QSER1: variants seen among roughly 807,000 people sequenced by gnomAD.
QSER1 encodes the protein glutamine and serine-rich protein 1.
Under a neutral mutation model 158.5 loss-of-function variants are expected in QSER1, and 49 were observed. The ratio of observed to expected loss-of-function variants is 0.31; its 90% CI spans 0.25 to 0.39. QSER1 has a LOEUF of 0.39. Ranked by LOEUF, QSER1 falls within the 10% of genes least tolerant of loss-of-function variation. The pLI, the probability that QSER1 is intolerant of heterozygous loss-of-function variation, is 1.00. For synonymous variants in QSER1, 650 were observed against 715.5 expected, an observed-to-expected ratio of 0.91 and a Z score of 1.46; for missense variants, 1,754 against 2,010.3, an observed-to-expected ratio of 0.87 and a Z score of 2.44.
intron 1 of QSER1, among the ~76,000 whole-genome samples, chr11:32,907,059 T>C (rs1341566225): frequency 6.6e-6 from 1 of 152,224 alleles, no homozygotes; most frequent in African/African-American, 2.4e-5. Context: ...TAAAATAGTA[T>C]AAGTAGTATA....
At chr11:32,966,165 TA>T in intron 8 of QSER1, 134 bp from the exon 9 acceptor site, 1 of 946,790 alleles carries the variant, frequency 1.1e-6, no homozygotes, top group Non-Finnish European at 1.6e-6. Context: ...TCAGACCTTT[TA>T]AAGGTAAGGT....
intron 1 of QSER1, among the ~76,000 whole-genome samples, chr11:32,918,490 G>A (rs1453367204): frequency 6.6e-6 from 1 of 151,366 alleles, no homozygotes; most frequent in Non-Finnish European, 1.5e-5. Context: ...GAGGGATGAG[G>A]CAAGAGACCT....
intron 4 of QSER1, among the ~76,000 whole-genome samples, chr11:32,951,556 A>G (rs1370971007): frequency 6.6e-6 from 1 of 152,160 alleles, no homozygotes; most frequent in African/African-American, 2.4e-5. Context: ...CTTCTCATCC[A>G]TCAACATGGG....
chr11:32,939,012 C>T (rs1852192998), intron 4 of QSER1, among the ~76,000 whole-genome samples: 1 of 152,120 alleles, frequency 6.6e-6, no homozygotes, highest in Non-Finnish European at 1.5e-5. Context: ...GTGCTATTTT[C>T]ACCATTCCTT....
At chr11:32,917,627 ACCAG>A (rs1851849634) in intron 1 of QSER1, among the ~76,000 whole-genome samples, 1 of 151,940 alleles carries the variant, frequency 6.6e-6, no homozygotes, top group Non-Finnish European at 1.5e-5. Context: ...GGAGTTCAAG[ACCAG>A]CCTAGCCAAC....
At chr11:32,974,564 G>A (rs185666112) in intron 11 of QSER1, among the ~76,000 whole-genome samples, 186 of 152,306 alleles carry the variant, frequency 1.2e-3, no homozygotes, top group African/African-American at 4.2e-3. Context: ...GAAGAGCCAC[G>A]TAATGTCATA....
chr11:32,937,771 C>T (rs1216166917), intron 4 of QSER1, among the ~76,000 whole-genome samples: 2 of 152,204 alleles, frequency 1.3e-5, no homozygotes, highest in African/African-American at 4.8e-5. Context: ...CACTGTCCCT[C>T]TGCTGTGACA....
intron 7 of QSER1, among the ~76,000 whole-genome samples, chr11:32,957,303 A>G (rs566818011): frequency 2.0e-5 from 3 of 151,406 alleles, no homozygotes; most frequent in East Asian, 3.9e-4. Flanking sequence ...CACCACTCCC[A>G]GCTGGTTTTG....
Position 32,932,353 on chromosome 11 carries a change from C to G in QSER1, c.1095C>G (p.Ser365Arg). ...ETTRQSSLSC[S>R]PIGDSTQVSN... ...CCAGGCAGTCATCTTTATCCTGTAG[C>G]CCAATTGGAGATTCCACTCAGGTGA... The change falls in exon 4 of 13, where the codon AGC (serine) becomes AGG (arginine). Residue 365 changes from serine to arginine, a missense_variant. This residue lies in a region of QSER1 where 1,707 missense variants were observed against 1,919.6 expected (regional missense o/e 0.89). Coordinates refer to ENST00000650167, the MANE Select transcript of QSER1 (RefSeq NM_001076786.3). 6.2e-7 allele frequency: 1 copy of G among 1,612,308 alleles called. No homozygotes were observed. The highest frequency in any genetic ancestry group is 8.5e-7 in the Non-Finnish European group (1 of 1,180,002).
At chr11:32,915,761 T>G (rs1436787982) in intron 1 of QSER1, among the ~76,000 whole-genome samples, 3 of 152,218 alleles carry the variant, frequency 2.0e-5, no homozygotes, top group African/African-American at 7.2e-5. Flanking sequence ...GCACAGATTT[T>G]TAAAAAACAT....
In QSER1 at chr11:32,957,960, A is replaced by G; in HGVS notation, c.4843A>G (p.Lys1615Glu). The change falls in exon 8 of 13, where the codon AAA becomes GAA. Residue 1615 changes from lysine (K) to glutamate (E), a missense_variant. Lys to Glu is a moderately conservative substitution (Grantham distance 56). Coordinates refer to ENST00000650167, the MANE Select transcript of QSER1 (RefSeq NM_001076786.3). ...TTTKAPSVKP[K>E]VKQPKVKAEP... ...TACAAAAGCCCCTTCCGTGAAACCC[A>G]AAGTTAAACAGCCAAAAGTAAAGGC... is the stretch of plus-strand genomic sequence containing the variant. 1 of 1,614,174 alleles carries G rather than the reference A, an allele frequency of 6.2e-7. No homozygotes were observed. The highest frequency in any genetic ancestry group is 8.5e-7 in the Non-Finnish European group (1 of 1,180,020).
chr11:32,918,621 G>C (rs1169339592), intron 1 of QSER1, among the ~76,000 whole-genome samples: 1 of 151,380 alleles, frequency 6.6e-6, no homozygotes, highest in Non-Finnish European at 1.5e-5. Context: ...GGAAGCCGTT[G>C]GAAAGTTTTT....
In QSER1 at chr11:32,973,057, C is replaced by A. The variant is rs557379798; in HGVS notation, c.5206-340C>A. ...GCCAGAGACATTACTAGAAAGAACTCTTGGCCCTGTTAAGGGTTCCCAGTG... is the reference window on the plus strand; with the variant it reads ...GCCAGAGACATTACTAGAAAGAACTATTGGCCCTGTTAAGGGTTCCCAGTG... On this transcript the variant is annotated intron_variant, in intron 10 of 12. Coordinates refer to ENST00000650167, the MANE Select transcript of QSER1 (RefSeq NM_001076786.3). Among the ~76,000 whole-genome samples, 8 of 152,218 alleles carry A rather than the reference C, an allele frequency of 5.3e-5. No homozygotes were observed. In the South Asian group the frequency reaches 1.7e-3, roughly 32 times the overall value.
rs993532590 is a variant in QSER1 at position 32,934,988 on chromosome 11, C to T, written c.3730C>T (p.Pro1244Ser). Residue 1244 changes from proline to serine, a missense_variant, in exon 4 of 13, where the codon CCT becomes TCT. Coordinates refer to ENST00000650167, the MANE Select transcript of QSER1 (RefSeq NM_001076786.3). The part of the protein sequence containing the change: ...RGTDIYLPYT[P>S]PSSESCHDGY... The stretch of plus-strand genomic sequence containing the variant: ...AACAGATATTTACTTACCGTATACT[C>T]CTCCTTCCTCAGAAAGCTGCCATGA... 11 of 1,614,020 alleles carry T rather than the reference C, an allele frequency of 6.8e-6. No homozygotes were observed. Among genetic ancestry groups the T allele is most frequent in the African/African-American group, 1.3e-5 (1 of 74,938 alleles).
chr11:32,909,011 T>C (rs1283569276), intron 1 of QSER1, among the ~76,000 whole-genome samples: 1 of 152,044 alleles, frequency 6.6e-6, no homozygotes, highest in Non-Finnish European at 1.5e-5. Context: ...AATATAAAAA[T>C]TAGCTGGGCG....
chr11:32,914,715 A>G (rs925242590), intron 1 of QSER1, among the ~76,000 whole-genome samples: 34 of 152,248 alleles, frequency 2.2e-4, no homozygotes, highest in African/African-American at 7.0e-4. Flanking sequence ...ATAAGAGCAT[A>G]TATTTAAAAG....
chr11:32,973,446 A>G lies in QSER1; in HGVS notation c.5255A>G (p.Lys1752Arg), dbSNP rs753915098. Residue 1752 changes from lysine to arginine, a missense_variant, in exon 11 of 13, where the codon AAA (lysine) becomes AGA (arginine). This residue lies in a region of QSER1 where 1,707 missense variants were observed against 1,919.6 expected (regional missense o/e 0.89). Coordinates refer to ENST00000650167, the MANE Select transcript of QSER1 (RefSeq NM_001076786.3). ...CTAACAATAATTACTCGAGATTCTAAAGCAAAGAGTGGAGGAACTGCTATT... is the reference window on the plus strand; with the variant it reads ...CTAACAATAATTACTCGAGATTCTAGAGCAAAGAGTGGAGGAACTGCTATT... ...PELTIITRDS[K>R]AKSGGTAISK... The G allele has an allele frequency of 6.2e-7, 1 of 1,613,948 alleles. No individual in the cohort carries two copies. The highest frequency in any genetic ancestry group is 8.5e-7 in the Non-Finnish European group (1 of 1,179,918).
chr11:32,954,155 G>A lies in QSER1; in HGVS notation c.4476G>A (p.Lys1492=), dbSNP rs1852472777. Residue 1492 remains lysine (K), a synonymous_variant, in exon 5 of 13, where the codon AAG becomes AAA. Coordinates refer to ENST00000650167, the MANE Select transcript of QSER1 (RefSeq NM_001076786.3). The part of the protein sequence containing the change: ...QYRERDEFVV[K]IEDIETFKEA... ...GAGAGCGTGATGAATTTGTGGTAAA[G>A]ATAGAAGACATAGAGACTTTTAAGG... 4 of 1,613,486 alleles carry A rather than the reference G, an allele frequency of 2.5e-6. No homozygotes were observed. Among genetic ancestry groups the A allele is most frequent in the Non-Finnish European group, 2.5e-6 (3 of 1,179,918 alleles).
rs561972663 is a variant in QSER1 at position 32,934,512 on chromosome 11, C to A, written c.3254C>A (p.Thr1085Asn). ...HIETPGQNIP[T>N]KVTSAVVGPS... ...GAAACACCTGGTCAAAATATACCAA[C>A]TAAAGTAACTTCAGCAGTGGTTGGA... Residue 1085 changes from threonine (T) to asparagine (N), a missense_variant, in exon 4 of 13, where the codon ACT becomes AAT. Thr to Asn is a moderately conservative substitution (Grantham distance 65). Around this residue, in one of 2 missense-constraint regions of QSER1, gnomAD observed 1,707 missense variants for 1,919.6 expected, o/e 0.89. Coordinates refer to ENST00000650167, the MANE Select transcript of QSER1 (RefSeq NM_001076786.3). The A allele has an allele frequency of 1.2e-6, 2 of 1,613,626 alleles. No individual in the cohort carries two copies. The highest frequency in any genetic ancestry group is 1.3e-5 in the African/African-American group (1 of 75,042).
Sources: allele counts gnomAD v4.1 joint callset (sites outside exome capture counted in the v4.1 genomes callset), GRCh38; gene constraint gnomAD v4.1.1; regional missense constraint gnomAD v4.1.1; transcripts MANE v1.5; gene names NCBI Gene and HGNC (gene_info 2026-07-23, HGNC 2026-07-21).